The following TAFA1 variants were observed in gnomAD, a reference collection of about 807,000 sequenced individuals.
The protein encoded by TAFA1 is chemokine-like protein TAFA-1.
Under a neutral mutation model 18.5 loss-of-function variants are expected in TAFA1, and 4 were observed. That is an observed-to-expected ratio of 0.22 (90% CI 0.11 to 0.49). TAFA1 has a LOEUF of 0.49. TAFA1 is among the 20% of genes least tolerant of loss of function. The pLI, the probability that TAFA1 is intolerant of heterozygous loss-of-function variation, is 0.98. For synonymous variants in TAFA1, 56 were observed against 55.2 expected (o/e 1.01, Z -0.06); for missense variants, 147 against 169.0 (o/e 0.87, Z 0.72).
intron 3 of TAFA1, among the ~76,000 whole-genome samples, chr3:68,450,824 C>T (rs763055873): frequency 1.3e-5 from 2 of 152,224 alleles, no homozygotes; most frequent in Non-Finnish European, 2.9e-5. Flanking sequence ...AGTCATGTAG[C>T]AAGTGTTATG....
intron 2 of TAFA1, among the ~76,000 whole-genome samples, chr3:68,262,969 C>G (rs944988870): frequency 6.6e-6 from 1 of 152,126 alleles, no homozygotes; most frequent in Admixed American, 6.5e-5. Context: ...ATTGACACTG[C>G]TTATTTGAGT....
At chr3:68,179,536 G>C (rs927237786) in intron 2 of TAFA1, among the ~76,000 whole-genome samples, 1 of 151,954 alleles carries the variant, frequency 6.6e-6, no homozygotes, top group South Asian at 2.1e-4. Flanking sequence ...TTCTTTTTCT[G>C]TACTCCTTGT....
chr3:68,120,240 T>TCTTC (rs1559527658), intron 2 of TAFA1, among the ~76,000 whole-genome samples: 3 of 125,646 alleles, frequency 2.4e-5, no homozygotes, highest in African/African-American at 9.9e-5. Flanking sequence ...TTTCTTTCTT[T>TCTTC]CTTTCTTTCT....
chr3:67,997,591 G>A, the TAFA1 span, among the ~76,000 whole-genome samples: 1 of 152,060 alleles, frequency 6.6e-6, no homozygotes, highest in Non-Finnish European at 1.5e-5. Context: ...CCAGACAAAA[G>A]AGAATAATCA....
chr3:68,304,638 CA>C (rs1232654515), intron 2 of TAFA1, among the ~76,000 whole-genome samples: 2 of 152,084 alleles, frequency 1.3e-5, no homozygotes, highest in Non-Finnish European at 2.9e-5. Flanking sequence ...CTATTATGTT[CA>C]AACAGCCACT....
At chr3:68,503,467 G>A (rs548597011) in intron 3 of TAFA1, among the ~76,000 whole-genome samples, 1 of 152,244 alleles carries the variant, frequency 6.6e-6, no homozygotes, top group South Asian at 2.1e-4. Flanking sequence ...GATATGAAAT[G>A]TCCAGAATAG....
At chr3:68,104,220 G>T (rs985944363) in intron 2 of TAFA1, among the ~76,000 whole-genome samples, 1 of 152,038 alleles carries the variant, frequency 6.6e-6, no homozygotes, top group African/African-American at 2.4e-5. Flanking sequence ...TGGGTCTATT[G>T]TGTTTATTTA....
chr3:67,999,369 G>T (rs1218318199), upstream of TAFA1, among the ~76,000 whole-genome samples: 1 of 151,516 alleles, frequency 6.6e-6, no homozygotes, highest in African/African-American at 2.4e-5. Flanking sequence ...TGGGAAAGTT[G>T]TATTCTAACA....
At chr3:68,246,275 T>G (rs888811094) in intron 2 of TAFA1, among the ~76,000 whole-genome samples, 1 of 152,120 alleles carries the variant, frequency 6.6e-6, no homozygotes, top group Admixed American at 6.5e-5. Context: ...TTCAGTCCTT[T>G]GGTCTCAATA....
rs369312857 is a variant in TAFA1 at position 68,485,690 on chromosome 3, A to T, written c.260-53066A>T. Among the ~76,000 whole-genome samples the T allele has an allele frequency of 9.2e-5, 14 of 152,332 alleles. No individual in the cohort carries two copies. In the East Asian group the frequency reaches 2.5e-3, roughly 27 times the overall value. ...ATTCAAATGCCCAGTTATTTATACC[A>T]ATAGATGATTCAGACCCTCTCACTG... On this transcript the variant is annotated intron_variant, in intron 3 of 4. Coordinates refer to ENST00000478136, the MANE Select transcript of TAFA1 (RefSeq NM_213609.4).
chr3:68,248,640 C>A (rs1174764564), intron 2 of TAFA1, among the ~76,000 whole-genome samples: 1 of 150,528 alleles, frequency 6.6e-6, no homozygotes, highest in Non-Finnish European at 1.5e-5. Context: ...GTGTTCAGAG[C>A]TGGGGAATCT....
intron 2 of TAFA1, among the ~76,000 whole-genome samples, chr3:68,412,409 G>C (rs904567446): frequency 1.3e-5 from 2 of 151,714 alleles, no homozygotes; most frequent in African/African-American, 4.8e-5. Context: ...TAAGTTCTAG[G>C]GTATATGTGC....
intron 2 of TAFA1, among the ~76,000 whole-genome samples, chr3:68,343,303 C>T (rs1351102935): frequency 2.0e-5 from 3 of 152,154 alleles, no homozygotes; most frequent in African/African-American, 7.2e-5. Flanking sequence ...CTGAGGTACC[C>T]TTAATCTTAC....
At chr3:68,235,390 T>A (rs1443153107) in intron 2 of TAFA1, among the ~76,000 whole-genome samples, 2 of 152,196 alleles carry the variant, frequency 1.3e-5, no homozygotes, top group African/African-American at 4.8e-5. Flanking sequence ...AGTTATAAAA[T>A]TCTGGGCGTG....
At chr3:68,317,590 G>A (rs2068623720) in intron 2 of TAFA1, among the ~76,000 whole-genome samples, 2 of 152,162 alleles carry the variant, frequency 1.3e-5, no homozygotes, top group Non-Finnish European at 2.9e-5. Flanking sequence ...AGTGTGCTCT[G>A]TTTTGCCTCC....
At chr3:68,262,626 G>A (rs751607840) in intron 2 of TAFA1, among the ~76,000 whole-genome samples, 10 of 151,700 alleles carry the variant, frequency 6.6e-5, no homozygotes, top group South Asian at 2.1e-4. Context: ...TCTTTTTTAC[G>A]GCTGTGTAGT....
At chr3:68,182,406 T>C (rs970534777) in intron 2 of TAFA1, among the ~76,000 whole-genome samples, 1 of 152,194 alleles carries the variant, frequency 6.6e-6, no homozygotes, top group Non-Finnish European at 1.5e-5. Context: ...GTGTGATGCA[T>C]GGTGCCGTCA....
At chr3:68,479,794 A>G (rs1281486093) in intron 3 of TAFA1, among the ~76,000 whole-genome samples, 2 of 152,138 alleles carry the variant, frequency 1.3e-5, no homozygotes, top group Non-Finnish European at 2.9e-5. Flanking sequence ...AAATCAGTAC[A>G]AGGAGTAATG....
intron 2 of TAFA1, among the ~76,000 whole-genome samples, chr3:68,298,923 A>T (rs2068257387): frequency 6.6e-6 from 1 of 152,244 alleles, no homozygotes; most frequent in African/African-American, 2.4e-5. Flanking sequence ...TGCTAGAAAG[A>T]TACCTGAAAA....
Sources: gnomAD v4.1 joint callset for allele counts (sites outside exome capture counted in the v4.1 genomes callset) on GRCh38, gnomAD v4.1.1 for gene constraint, MANE v1.5 for transcripts, NCBI Gene and HGNC (gene_info 2026-07-23, HGNC 2026-07-21) for gene names.